The following DCUN1D3 variants were observed in gnomAD, a reference collection of about 807,000 sequenced individuals.
DCUN1D3 encodes the protein DCN1-like protein 3.
In DCUN1D3, 6 loss-of-function variants were observed where a neutral mutation model predicts 24.8. The ratio of observed to expected loss-of-function variants is 0.24; its 90% CI spans 0.13 to 0.48. DCUN1D3 has a LOEUF of 0.48. DCUN1D3 is among the 20% of genes least tolerant of loss of function. DCUN1D3 has a pLI of 0.99. For missense variants in DCUN1D3, 258 were observed against 379.4 expected, an observed-to-expected ratio of 0.68 and a Z score of 2.66; for synonymous variants, 120 against 144.9, an observed-to-expected ratio of 0.83 and a Z score of 1.24.
In DCUN1D3 at chr16:20,897,690, T is replaced by C. The variant is rs112663095; in HGVS notation, c.-106+2514A>G. ...TATACTAGAACACATTCAGAGAACT[T>C]ATTATGCAGTTTTAAACAGCAGTAT... On this transcript the variant is annotated intron_variant, in intron 1 of 2. Coordinates refer to ENST00000324344, the MANE Select transcript of DCUN1D3 (RefSeq NM_173475.4). Among the ~76,000 whole-genome samples the C allele has an allele frequency of 5.4e-3, 823 of 152,280 alleles. 9 individuals carry two copies. Among genetic ancestry groups the C allele is most frequent in the African/African-American group, 0.019 (781 of 41,546 alleles).
At chr16:20,864,597 G>C (rs1226298755) in intron 1 of DCUN1D3, among the ~76,000 whole-genome samples, 1 of 152,052 alleles carries the variant, frequency 6.6e-6, no homozygotes, top group East Asian at 1.9e-4. Context: ...TCCTCAAAGA[G>C]CTAAAAGCAG....
intron 1 of DCUN1D3, among the ~76,000 whole-genome samples, chr16:20,879,658 T>A (rs902020763): frequency 6.6e-6 from 1 of 152,184 alleles, no homozygotes. Context: ...ATCGCTCTGG[T>A]GGAACTAGAT....
At chr16:20,863,278 A>C (rs2152516100) in intron 1 of DCUN1D3, among the ~76,000 whole-genome samples, 1 of 152,194 alleles carries the variant, frequency 6.6e-6, no homozygotes, top group South Asian at 2.1e-4. Flanking sequence ...ACCTATAGAA[A>C]CCATCCACCA....
intron 1 of DCUN1D3, among the ~76,000 whole-genome samples, chr16:20,895,301 G>A (rs2081910538): frequency 6.6e-6 from 1 of 151,928 alleles, no homozygotes. Context: ...TGACTATCTT[G>A]CGTAGGCTGG....
chr16:20,867,603 C>G (rs2081768861), intron 1 of DCUN1D3, among the ~76,000 whole-genome samples: 1 of 152,236 alleles, frequency 6.6e-6, no homozygotes, highest in Non-Finnish European at 1.5e-5. Context: ...CCTGATAGAG[C>G]TCTTGAAAGG....
rs1366434232 is a variant in DCUN1D3 at position 20,859,920 on chromosome 16, C to T, written c.881G>A (p.Gly294Glu). ...CTCCTCGGGACACAAGCCCTCAGGC[C>T]CTGAGCTGAGTGCACCTCTCCCTTC... ...EGEGRGALSS[G>E]PEGLCPEEQT is the part of the protein sequence containing the mutation. The change falls in exon 3 of 3, where the codon GGG becomes GAG. Residue 294 changes from glycine to glutamate, a missense_variant. By Grantham distance (98) the Gly-to-Glu change is moderately conservative. Coordinates refer to ENST00000324344, the MANE Select transcript of DCUN1D3 (RefSeq NM_173475.4). The T allele has an allele frequency of 6.2e-7, 1 of 1,613,826 alleles. No homozygotes were observed. Among genetic ancestry groups the T allele is most frequent in the Non-Finnish European group, 8.5e-7 (1 of 1,179,898 alleles).
Sources: allele counts gnomAD v4.1 joint callset (sites outside exome capture counted in the v4.1 genomes callset), GRCh38; gene constraint gnomAD v4.1.1; transcripts MANE v1.5; gene names NCBI Gene and HGNC (gene_info 2026-07-23, HGNC 2026-07-21).